Variants in RAI14 observed in about 807,000 individuals in gnomAD.
RAI14 encodes the protein retinoic acid induced 14.
RAI14 carries 45 observed loss-of-function variants against 115.4 expected under a neutral mutation model. That is an observed-to-expected ratio of 0.39 (90% confidence interval 0.31 to 0.50). RAI14 has a LOEUF of 0.50. Among genes scored for constraint, RAI14 ranks in the 20% least tolerant of loss-of-function variants. The pLI is 0.85. For synonymous variants in RAI14, 371 were observed against 415.4 expected (o/e 0.89, Z 1.30); for missense variants, 939 against 1,131.2 (o/e 0.83, Z 2.44).
intron 1 of RAI14, among the ~76,000 whole-genome samples, chr5:34,662,603 T>TAAAA (rs1742775589): frequency 6.6e-6 from 1 of 151,340 alleles, no homozygotes; most frequent in African/African-American, 2.4e-5. Context: ...TCCTCTGTAA[T>TAAAA]AAAATGATAT....
intron 3 of RAI14, among the ~76,000 whole-genome samples, chr5:34,792,456 G>A (rs980413307): frequency 3.9e-5 from 6 of 151,904 alleles, no homozygotes; most frequent in Non-Finnish European, 7.4e-5. Flanking sequence ...GGATGGTCTC[G>A]ATCTCCTGAC....
chr5:34,769,155 T>C (rs1749819628), intron 3 of RAI14, among the ~76,000 whole-genome samples: 1 of 152,144 alleles, frequency 6.6e-6, no homozygotes, highest in Non-Finnish European at 1.5e-5. Flanking sequence ...ATAGCATTCA[T>C]TTTTTACATG....
At chr5:34,822,123 A>C (rs1055960069) in intron 14 of RAI14, among the ~76,000 whole-genome samples, 18 of 148,592 alleles carry the variant, frequency 1.2e-4, no homozygotes, top group African/African-American at 4.4e-4. Flanking sequence ...AAATAAAACA[A>C]AATTTATAGA....
chr5:34,771,971 G>T (rs1002750983), intron 3 of RAI14, among the ~76,000 whole-genome samples: 1 of 152,116 alleles, frequency 6.6e-6, no homozygotes, highest in African/African-American at 2.4e-5. Flanking sequence ...CACGATCATA[G>T]CTCACTGCAG....
At chr5:34,678,008 A>C (rs1487121416) in intron 1 of RAI14, among the ~76,000 whole-genome samples, 1 of 152,082 alleles carries the variant, frequency 6.6e-6, no homozygotes, top group Admixed American at 6.5e-5. Flanking sequence ...TTCCTATCAC[A>C]GTTTGAAATC....
chr5:34,737,344 G>A lies in RAI14; in HGVS notation c.37-20124G>A, dbSNP rs577249401. On this transcript the variant is annotated intron_variant, in intron 2 of 17. Coordinates refer to ENST00000265109, the MANE Select transcript of RAI14 (RefSeq NM_015577.3). ...ACAAGTTAAGGAAAGTAGTATTAGC[G>A]TAAAATTTTGAAGGAAGGTCTTGAG... is the stretch of plus-strand genomic sequence containing the variant. Among the ~76,000 whole-genome samples, 40 of 152,272 alleles carry A rather than the reference G, an allele frequency of 2.6e-4. No individual in the cohort carries two copies. In the South Asian group the frequency reaches 7.9e-3, roughly 30 times the overall value.
intron 4 of RAI14, among the ~76,000 whole-genome samples, chr5:34,797,892 T>A (rs771672670): frequency 1.3e-5 from 2 of 152,234 alleles, no homozygotes; most frequent in Non-Finnish European, 2.9e-5. Context: ...GTGAATAAAC[T>A]GGTGCCGTCA....
At position 34,765,149 on chromosome 5, in the gene RAI14, T is replaced by G. The variant is rs566404335; in HGVS notation, c.167+7551T>G. Reference sequence around the variant, plus strand: ...CTGTAAGTCCAATTAAACCTCTTTTTCTTCCCAGTCTCAGATATGTCTTTA... The same window carrying G: ...CTGTAAGTCCAATTAAACCTCTTTTGCTTCCCAGTCTCAGATATGTCTTTA... On this transcript the variant is annotated intron_variant, in intron 3 of 17. Coordinates refer to ENST00000265109, the MANE Select transcript of RAI14 (RefSeq NM_015577.3). Among the ~76,000 whole-genome samples the G allele has an allele frequency of 2.0e-5, 3 of 152,322 alleles. No individual in the cohort carries two copies. The South Asian group carries it at 6.2e-4, about 32-fold the overall frequency.
chr5:34,822,150 ATATAC>A (rs1756901374), intron 14 of RAI14, among the ~76,000 whole-genome samples: 1 of 147,866 alleles, frequency 6.8e-6, no homozygotes, highest in African/African-American at 2.4e-5. Context: ...TCTATATAAA[ATATAC>A]TATATGCATA....
chr5:34,764,166 A>C (rs1337552429), intron 3 of RAI14, among the ~76,000 whole-genome samples: 1 of 152,128 alleles, frequency 6.6e-6, no homozygotes, highest in Non-Finnish European at 1.5e-5. Context: ...CCTAAATTAA[A>C]ACAGGAACAA....
rs113759249 is a variant in RAI14 at position 34,757,341 on chromosome 5, A to G, written c.37-127A>G. 6.7e-3 allele frequency: 7,334 copies of G among 1,091,622 alleles called. 149 individuals are homozygous for G. The highest frequency in any genetic ancestry group is 0.057 in the African/African-American group (3,698 of 65,014). The allele number at this position is 1,091,622 out of a possible 1,614,324, so 67.6% of individuals were successfully genotyped here. ...TGAAGGGGAAGGTATTTTAAAACAC[A>G]CTCATTCGGGAGCAGGCTTTAATTT... On this transcript the variant is annotated intron_variant, in intron 2 of 17. Coordinates refer to ENST00000265109, the MANE Select transcript of RAI14 (RefSeq NM_015577.3).
chr5:34,689,131 G>A (rs918064901), intron 2 of RAI14, among the ~76,000 whole-genome samples: 4 of 152,244 alleles, frequency 2.6e-5, no homozygotes, highest in South Asian at 4.1e-4. Context: ...CTGCTGGCAC[G>A]GTGGCTCACT....
rs187175596 is a variant in RAI14 at position 34,822,832 on chromosome 5, C to A, written c.1114-124C>A. 108 of 820,042 alleles carry A rather than the reference C, an allele frequency of 1.3e-4. No individual in the cohort carries two copies. The East Asian group carries it at 3.0e-3, about 23-fold the overall frequency. 50.8% of individuals were successfully genotyped at this position (820,042 alleles called of 1,614,324 possible). A position where few individuals can be genotyped will look rare whatever the true frequency, so the allele number is the denominator to read the frequency against. ...CCGAGTAGCTGGGATCACAGGCGCC[C>A]GCCACCACGCCCGGCTAATTTTTTG... On this transcript the variant is annotated intron_variant, in intron 14 of 17. Coordinates refer to ENST00000265109, the MANE Select transcript of RAI14 (RefSeq NM_015577.3).
In RAI14 at chr5:34,818,837, G is replaced by A. The variant is rs1756535383; in HGVS notation, c.980G>A (p.Ser327Asn). 1 of 1,610,626 alleles carries A rather than the reference G, an allele frequency of 6.2e-7. No homozygotes were observed. Among genetic ancestry groups the A allele is most frequent in the African/African-American group, 1.3e-5 (1 of 74,774 alleles). The part of the protein sequence containing the change: ...SSIRENKDRL[S>N]DSTTGADSLL... ...ATACGAGAAAACAAAGACAGACTAA[G>A]TGACAGTACTACAGGTAAGACAAGG... Residue 327 changes from serine to asparagine, a missense_variant, in exon 13 of 18, where the codon AGT becomes AAT. Coordinates refer to ENST00000265109, the MANE Select transcript of RAI14 (RefSeq NM_015577.3).
chr5:34,772,604 G>A (rs1430895188), intron 3 of RAI14, among the ~76,000 whole-genome samples: 1 of 152,138 alleles, frequency 6.6e-6, no homozygotes, highest in Non-Finnish European at 1.5e-5. Flanking sequence ...CCTCAGATTG[G>A]TTTAGAAATG....
At chr5:34,780,480 A>G (rs923611393) in intron 3 of RAI14, among the ~76,000 whole-genome samples, 12 of 152,204 alleles carry the variant, frequency 7.9e-5, no homozygotes, top group Admixed American at 7.2e-4. Flanking sequence ...TCATCTGACA[A>G]AGGGCTAATA....
At chr5:34,824,605 C>A in intron 15 of RAI14, 114 bp downstream of exon 15, 1 of 853,246 alleles carries the variant, frequency 1.2e-6, no homozygotes, top group Non-Finnish European at 1.7e-6. Context: ...TGCTCAGAGG[C>A]TCTGCACATG....
At chr5:34,728,320 C>T (rs938053677) in intron 2 of RAI14, among the ~76,000 whole-genome samples, 9 of 151,940 alleles carry the variant, frequency 5.9e-5, no homozygotes, top group African/African-American at 1.7e-4. Context: ...TTTGGGGGGC[C>T]GTTGGGAAGG....
chr5:34,787,893 ATTTTTTTTTTTTTTTTTTTTTTT>A lies in RAI14; in HGVS notation c.168-8028_168-8006del, dbSNP rs70973012. Among the ~76,000 whole-genome samples the A allele has an allele frequency of 2.0e-3, 50 of 25,114 alleles. 2 individuals carry two copies. Among genetic ancestry groups the A allele is most frequent in the South Asian group, 8.0e-3 (4 of 500 alleles). 16.5% of individuals were successfully genotyped at this position (25,114 alleles called of 152,430 possible). A position where few individuals can be genotyped will look rare whatever the true frequency, so the allele number is the denominator to read the frequency against. Reference sequence around the variant, plus strand: ...GGGTTTCTTAACCTGGATACTACTGATTTTTTTTTTTTTTTTTTTTTTTTTTTTTTTTTTTTTTTTGAGACAGG... The same window carrying A: ...GGGTTTCTTAACCTGGATACTACTGATTTTTTTTTTTTTTTTTGAGACAGG... On this transcript the variant is annotated intron_variant, in intron 3 of 17. Coordinates refer to ENST00000265109, the MANE Select transcript of RAI14 (RefSeq NM_015577.3).
Sources: allele counts gnomAD v4.1 joint callset (sites outside exome capture counted in the v4.1 genomes callset), GRCh38; gene constraint gnomAD v4.1.1; transcripts MANE v1.5; gene names NCBI Gene and HGNC (gene_info 2026-07-23, HGNC 2026-07-21).